Variants in NKAIN2 observed in about 807,000 individuals in gnomAD.
NKAIN2 encodes the protein sodium/potassium transporting ATPase interacting 2.
In NKAIN2, 14 loss-of-function variants were observed where a neutral mutation model predicts 32.6. That is an observed-to-expected ratio of 0.43 (90% confidence interval 0.28 to 0.67). The LOEUF is 0.67. Ranked by LOEUF, NKAIN2 falls within the 30% of genes least tolerant of loss-of-function variation. The pLI, the probability that NKAIN2 is intolerant of heterozygous loss-of-function variation, is 0.17. For missense variants in NKAIN2, 198 were observed against 258.3 expected (o/e 0.77, Z 1.60); for synonymous variants, 80 against 87.2 (o/e 0.92, Z 0.46).
At chr6:124,258,143 A>T (rs1291169567) in intron 1 of NKAIN2, among the ~76,000 whole-genome samples, 2 of 61,838 alleles carry the variant, frequency 3.2e-5, no homozygotes, top group South Asian at 3.8e-4. Context: ...TTTCAAGATT[A>T]AAAAAAAAAA....
chr6:124,402,520 T>C (rs1773667279), intron 3 of NKAIN2, among the ~76,000 whole-genome samples: 1 of 152,196 alleles, frequency 6.6e-6, no homozygotes, highest in Non-Finnish European at 1.5e-5. Flanking sequence ...TACAGCTTTA[T>C]ATAAGGTCTT....
intron 4 of NKAIN2, among the ~76,000 whole-genome samples, chr6:124,726,807 GA>G (rs1245235211): frequency 5.1e-5 from 7 of 136,466 alleles, no homozygotes; most frequent in Admixed American, 2.3e-4. Flanking sequence ...TGAAAACTTT[GA>G]AAAAAATTTA....
intron 4 of NKAIN2, among the ~76,000 whole-genome samples, chr6:124,779,092 T>C (rs1315714952): frequency 1.3e-5 from 2 of 151,844 alleles, no homozygotes; most frequent in Non-Finnish European, 2.9e-5. Context: ...ATACAAAAAT[T>C]AGCTGGGCGT....
intron 1 of NKAIN2, among the ~76,000 whole-genome samples, chr6:124,253,760 G>T (rs773113623): frequency 5.9e-4 from 90 of 151,632 alleles, no homozygotes; most frequent in Non-Finnish European, 1.2e-3. Context: ...CTCACTCTGT[G>T]ACTCAGAAAT....
In NKAIN2 at chr6:124,475,044, A is replaced by G. The variant is rs1777144717; in HGVS notation, c.273+119697A>G. On this transcript the variant is annotated intron_variant, in intron 3 of 6. Coordinates refer to ENST00000368417, the MANE Select transcript of NKAIN2 (RefSeq NM_001040214.3). ...CAGGGTTCCTTTGACTCAACCGGAT[A>G]TAAAGTAATGCATTGGTTCAGACTA... Among the ~76,000 whole-genome samples, 3 of 151,682 alleles carry G rather than the reference A, an allele frequency of 2.0e-5. No homozygotes were observed. The South Asian group carries it at 6.2e-4, about 31-fold the overall frequency.
chr6:124,468,574 T>G (rs530552519), intron 3 of NKAIN2, among the ~76,000 whole-genome samples: 23 of 152,320 alleles, frequency 1.5e-4, no homozygotes, highest in African/African-American at 5.5e-4. Flanking sequence ...CTCAGCCCTC[T>G]TTATGTGTAT....
At chr6:124,682,532 G>T (rs1773672811) in intron 4 of NKAIN2, among the ~76,000 whole-genome samples, 1 of 152,062 alleles carries the variant, frequency 6.6e-6, no homozygotes, top group African/African-American at 2.4e-5. Context: ...ACAACCACAG[G>T]ATATCATTAT....
chr6:124,518,306 AAGAT>A (rs1339624046), intron 3 of NKAIN2, among the ~76,000 whole-genome samples: 1 of 151,440 alleles, frequency 6.6e-6, no homozygotes, highest in East Asian at 1.9e-4. Flanking sequence ...AAAAAAAAAA[AAGAT>A]AGAAAAGGAA....
intron 3 of NKAIN2, among the ~76,000 whole-genome samples, chr6:124,371,684 A>C (rs1367840793): frequency 1.7e-5 from 2 of 116,492 alleles, no homozygotes; most frequent in African/African-American, 3.2e-5. Flanking sequence ...AGAGAGCAAG[A>C]CTCTGTCTCA....
intron 4 of NKAIN2, among the ~76,000 whole-genome samples, chr6:124,744,174 A>C (rs1487377453): frequency 3.3e-5 from 5 of 151,888 alleles, no homozygotes; most frequent in African/African-American, 7.2e-5. Flanking sequence ...AGCCTGATAC[A>C]TCCCTCACAA....
chr6:123,841,354 A>T (rs1304622916), intron 1 of NKAIN2, among the ~76,000 whole-genome samples: 1 of 152,226 alleles, frequency 6.6e-6, no homozygotes, highest in Non-Finnish European at 1.5e-5. Context: ...AATCAGTGTT[A>T]CAATCGTGAG....
At chr6:123,872,071 G>A (rs567762683) in intron 1 of NKAIN2, among the ~76,000 whole-genome samples, 88 of 151,846 alleles carry the variant, frequency 5.8e-4, no homozygotes, top group Non-Finnish European at 9.9e-4. Context: ...GTGCTGTTCT[G>A]GTAGCATCAC....
chr6:124,601,872 A>G (rs1214953282), intron 3 of NKAIN2, among the ~76,000 whole-genome samples: 1 of 152,008 alleles, frequency 6.6e-6, no homozygotes, highest in African/African-American at 2.4e-5. Flanking sequence ...TTTGTGGGCT[A>G]TATAGCAAAC....
intron 5 of NKAIN2, among the ~76,000 whole-genome samples, chr6:124,815,270 A>G (rs1225571193): frequency 2.8e-5 from 4 of 144,594 alleles, no homozygotes; most frequent in Admixed American, 6.9e-5. Flanking sequence ...ATGTGTATAT[A>G]TATGTATATA....
At chr6:124,734,926 T>C (rs1179398179) in intron 4 of NKAIN2, among the ~76,000 whole-genome samples, 1 of 151,922 alleles carries the variant, frequency 6.6e-6, no homozygotes, top group East Asian at 1.9e-4. Flanking sequence ...CTTCACATGG[T>C]GTATTTAAAA....
intron 3 of NKAIN2, among the ~76,000 whole-genome samples, chr6:124,632,453 C>T (rs1184552884): frequency 2.6e-5 from 4 of 151,164 alleles, no homozygotes; most frequent in East Asian, 2.0e-4. Flanking sequence ...ACCATTGCAA[C>T]GAAATGATTG....
chr6:124,553,313 G>T (rs530760689), intron 3 of NKAIN2, among the ~76,000 whole-genome samples: 15 of 152,136 alleles, frequency 9.9e-5, no homozygotes, highest in African/African-American at 3.4e-4. Flanking sequence ...TTATTTTTTG[G>T]TTTTTGTTTT....
At chr6:124,249,577 G>A (rs1056700336) in intron 1 of NKAIN2, among the ~76,000 whole-genome samples, 4 of 151,992 alleles carry the variant, frequency 2.6e-5, no homozygotes, top group African/African-American at 9.6e-5. Flanking sequence ...ATAAGATGCT[G>A]GATAAAAATA....
intron 1 of NKAIN2, among the ~76,000 whole-genome samples, chr6:124,181,062 T>G (rs548919548): frequency 4.6e-5 from 7 of 152,162 alleles, no homozygotes; most frequent in Non-Finnish European, 1.0e-4. Flanking sequence ...TTTCCATACA[T>G]CCTCTGAAAT....
Sources: allele counts gnomAD v4.1 joint callset (sites outside exome capture counted in the v4.1 genomes callset), GRCh38; gene constraint gnomAD v4.1.1; transcripts MANE v1.5; gene names NCBI Gene and HGNC (gene_info 2026-07-23, HGNC 2026-07-21).